Variants in MED12L observed in about 807,000 individuals in gnomAD.
MED12L encodes the protein mediator of RNA polymerase II transcription subunit 12-like protein.
In MED12L, 60 loss-of-function variants were observed where a neutral mutation model predicts 281.3. The observed-to-expected ratio is 0.21, with a 90% CI of 0.17 to 0.26. MED12L has a LOEUF of 0.26. Among genes scored for constraint, MED12L ranks in the 10% least tolerant of loss-of-function variants. MED12L has a pLI of 1.00. For missense variants in MED12L, 2,146 were observed against 2,680.9 expected (o/e 0.80, Z 4.41); for synonymous variants, 974 against 987.2 (o/e 0.99, Z 0.25).
At chr3:151,253,927 C>CT (rs949509373) in intron 16 of MED12L, among the ~76,000 whole-genome samples, 17 of 150,246 alleles carry the variant, frequency 1.1e-4, no homozygotes, top group African/African-American at 3.4e-4. Flanking sequence ...ACCTCCACTA[C>CT]TTTTTTTTTC....
At chr3:151,230,628 G>A (rs1218493574) in intron 16 of MED12L, among the ~76,000 whole-genome samples, 3 of 145,678 alleles carry the variant, frequency 2.1e-5, no homozygotes, top group African/African-American at 5.1e-5. Flanking sequence ...TGAACTCTAT[G>A]TGTTATTGCT....
intron 39 of MED12L, among the ~76,000 whole-genome samples, chr3:151,407,666 C>T (rs1463267053): frequency 6.6e-6 from 1 of 152,150 alleles, no homozygotes; most frequent in African/African-American, 2.4e-5. Context: ...TTCTCTAACC[C>T]AAGCAAATGG....
chr3:151,117,700 C>T (rs1230303827), intron 3 of MED12L, among the ~76,000 whole-genome samples: 1 of 143,034 alleles, frequency 7.0e-6, no homozygotes, highest in African/African-American at 2.7e-5. Context: ...ATACTTTTTG[C>T]CCTTAGACTA....
intron 16 of MED12L, chr3:151,295,246 T>G (rs767921236): frequency 1.4e-6 from 2 of 1,438,548 alleles, no homozygotes; most frequent in South Asian, 2.4e-5. Flanking sequence ...ACTTCAGTGC[T>G]TGGCAAGCAT....
At chr3:151,136,820 T>A (rs1457888526) in intron 5 of MED12L, among the ~76,000 whole-genome samples, 1 of 152,166 alleles carries the variant, frequency 6.6e-6, no homozygotes, top group Non-Finnish European at 1.5e-5. Flanking sequence ...GGAGTAGAAA[T>A]TGTTGCATCT....
At chr3:151,382,612 G>A (rs769243404) in intron 32 of MED12L, 44 bp from the exon 33 acceptor site, 7 of 1,411,836 alleles carry the variant, frequency 5.0e-6, no homozygotes, top group Non-Finnish European at 6.9e-6. Context: ...CTTTAAATGA[G>A]AGAAAAATTA....
rs1286685594 is a variant in MED12L, at chr3:151,394,734, G to A, written c.5687G>A (p.Arg1896His). Residue 1896 changes from arginine to histidine, a missense_variant, in exon 39 of 45, where the codon CGC becomes CAC. Coordinates refer to ENST00000687756, the MANE Select transcript of MED12L (RefSeq NM_001393769.1). ...KQALSNMLQRRSGAMMQPPSL... is the reference protein window; with the variant it reads ...KQALSNMLQRHSGAMMQPPSL... ...GCTCTGTCAAACATGCTACAGCGGC[G>A]CTCAGGCGCCATGATGCAGCCGCCT... 3 of 1,614,246 alleles carry A rather than the reference G, an allele frequency of 1.9e-6. No individual in the cohort carries two copies. The highest frequency in any genetic ancestry group is 1.7e-6 in the Non-Finnish European group (2 of 1,180,058).
intron 11 of MED12L, among the ~76,000 whole-genome samples, chr3:151,177,669 A>G (rs1421484044): frequency 2.0e-5 from 3 of 146,428 alleles, no homozygotes; most frequent in South Asian, 2.2e-4. Context: ...TTTTTTTATT[A>G]TTTATTTTAA....
chr3:151,232,623 A>G (rs1426421025), intron 16 of MED12L, among the ~76,000 whole-genome samples: 1 of 152,232 alleles, frequency 6.6e-6, no homozygotes, highest in African/African-American at 2.4e-5. Context: ...AAAGAATGAG[A>G]TCATGTCTTG....
intron 43 of MED12L, among the ~76,000 whole-genome samples, chr3:151,417,971 T>G (rs1422826644): frequency 1.3e-5 from 2 of 152,222 alleles, no homozygotes; most frequent in Non-Finnish European, 2.9e-5. Flanking sequence ...TAGCAAATGT[T>G]GTAGAAGAGA....
At chr3:151,214,368 A>C (rs753951344) in intron 16 of MED12L, 2 of 1,471,166 alleles carry the variant, frequency 1.4e-6, no homozygotes, top group Non-Finnish European at 1.9e-6. Flanking sequence ...CTGGTCACTC[A>C]TAGGGCACTT....
At chr3:151,382,375 T>G (rs531292393) in intron 32 of MED12L, among the ~76,000 whole-genome samples, 2 of 152,336 alleles carry the variant, frequency 1.3e-5, no homozygotes, top group African/African-American at 2.4e-5. Context: ...TTTTTATTAA[T>G]GCTTAATTTG....
chr3:151,414,371 A>C lies in MED12L; in HGVS notation c.6297+1076A>C, dbSNP rs566689054. The stretch of plus-strand genomic sequence containing the variant: ...AAGAACAGAACACCAAAAATGAGGA[A>C]TCTAGTAGAGCTGGAGTGCCCAAGG... On this transcript the variant is annotated intron_variant, in intron 42 of 44. Transcript: ENST00000687756. 1.1e-3 allele frequency among the ~76,000 whole-genome samples: 166 copies of C among 152,302 alleles called. 1 individual carries two copies. Among genetic ancestry groups the C allele is most frequent in the African/African-American group, 3.8e-3 (160 of 41,564 alleles).
At chr3:151,094,381 A>G (rs2148628422) in intron 2 of MED12L, among the ~76,000 whole-genome samples, 1 of 152,302 alleles carries the variant, frequency 6.6e-6, no homozygotes, top group African/African-American at 2.4e-5. Flanking sequence ...CAGTGAAGGA[A>G]GGGGTGATTG....
intron 16 of MED12L, chr3:151,294,919 G>A (rs371515970): frequency 2.0e-5 from 32 of 1,613,956 alleles, no homozygotes; most frequent in Non-Finnish European, 2.7e-5. Flanking sequence ...GAATAAACTT[G>A]AAGTACCAAG....
chr3:151,120,334 A>G (rs553040565), intron 3 of MED12L, among the ~76,000 whole-genome samples: 1 of 152,324 alleles, frequency 6.6e-6, no homozygotes, highest in South Asian at 2.1e-4. Context: ...CAATTTGGCA[A>G]TGCTTATTAA....
intron 43 of MED12L, among the ~76,000 whole-genome samples, chr3:151,420,642 C>T (rs1718142181): frequency 1.3e-5 from 2 of 152,208 alleles, no homozygotes; most frequent in South Asian, 4.1e-4. Flanking sequence ...ACCTAATTGG[C>T]ATTGTAATTG....
At chr3:151,154,534 C>A (rs1012645847) in intron 5 of MED12L, among the ~76,000 whole-genome samples, 1 of 151,996 alleles carries the variant, frequency 6.6e-6, no homozygotes, top group Non-Finnish European at 1.5e-5. Flanking sequence ...AGGAGATATA[C>A]CCTAGACAAA....
intron 11 of MED12L, among the ~76,000 whole-genome samples, chr3:151,166,919 C>G (rs1315209042): frequency 6.6e-6 from 1 of 152,144 alleles, no homozygotes; most frequent in Non-Finnish European, 1.5e-5. Context: ...CCTGATTCGC[C>G]TGCCTCAGCC....
Sources: allele counts gnomAD v4.1 joint callset (sites outside exome capture counted in the v4.1 genomes callset), GRCh38; gene constraint gnomAD v4.1.1; transcripts MANE v1.5; gene names NCBI Gene and HGNC (gene_info 2026-07-23, HGNC 2026-07-21).